IMPG2: variants seen among roughly 807,000 people sequenced by gnomAD.
IMPG2 encodes IPM 200.
IMPG2 carries 91 observed loss-of-function variants against 129.2 expected under a neutral mutation model. The observed-to-expected ratio is 0.70, with a 90% CI of 0.59 to 0.84. The LOEUF (loss-of-function observed/expected upper bound fraction) is 0.84, where lower values mean the gene tolerates loss of function less well. Among genes scored for constraint, IMPG2 ranks in the 40% least tolerant of loss-of-function variants. IMPG2 has a pLI of 0.00. For missense variants in IMPG2, 1,430 were observed against 1,461.7 expected, an observed-to-expected ratio of 0.98 and a Z score of 0.35; for synonymous variants, 510 against 517.7, an observed-to-expected ratio of 0.99 and a Z score of 0.20.
At chr3:101,250,557 A>C (rs1226571788) in intron 11 of IMPG2, among the ~76,000 whole-genome samples, 1 of 152,190 alleles carries the variant, frequency 6.6e-6, no homozygotes, top group Non-Finnish European at 1.5e-5. Context: ...AGGACACACA[A>C]AAAAAGAGAA....
At chr3:101,241,901 T>G (rs922535694) in intron 14 of IMPG2, among the ~76,000 whole-genome samples, 44 of 151,942 alleles carry the variant, frequency 2.9e-4, no homozygotes, top group African/African-American at 1.0e-3. Flanking sequence ...TGGTGGCAGG[T>G]GCCTATAATC....
chr3:101,242,006 G>A (rs1706413610), intron 14 of IMPG2, among the ~76,000 whole-genome samples: 1 of 151,752 alleles, frequency 6.6e-6, no homozygotes, highest in East Asian at 1.9e-4. Context: ...TCCAGCCTGG[G>A]CAACAAGAGT....
intron 11 of IMPG2, 143 bp downstream of exon 11, chr3:101,253,553 T>A: frequency 1.4e-6 from 1 of 692,954 alleles, no homozygotes; most frequent in Admixed American, 2.2e-5. Context: ...AGCTGACAGC[T>A]ATGAGTAATG....
intron 17 of IMPG2, 86 bp downstream of exon 17, chr3:101,229,294 A>C: frequency 4.8e-6 from 5 of 1,044,040 alleles, no homozygotes; most frequent in East Asian, 2.5e-5. Flanking sequence ...ACATACACTC[A>C]TACACACCCC....
At chr3:101,261,246 A>C (rs1425470458) in intron 9 of IMPG2, among the ~76,000 whole-genome samples, 1 of 152,118 alleles carries the variant, frequency 6.6e-6, no homozygotes, top group East Asian at 1.9e-4. Context: ...TCTAGTGTAA[A>C]CATGACTCTA....
intron 11 of IMPG2, among the ~76,000 whole-genome samples, chr3:101,252,483 A>G (rs1037344560): frequency 3.3e-5 from 5 of 152,166 alleles, no homozygotes; most frequent in Non-Finnish European, 7.4e-5. Flanking sequence ...CAATATCTGC[A>G]TCACCTTGTT....
chr3:101,229,320 G>GCAAC, intron 17 of IMPG2, 60 bp downstream of exon 17: 2 of 519,344 alleles, frequency 3.9e-6, no homozygotes, highest in African/African-American at 3.4e-5. Context: ...ACCACCCCCT[G>GCAAC]CTCCCCCACA....
intron 3 of IMPG2, among the ~76,000 whole-genome samples, chr3:101,295,866 T>C (rs1707074138): frequency 6.6e-6 from 1 of 152,224 alleles, no homozygotes; most frequent in South Asian, 2.1e-4. Flanking sequence ...TCTCCACTTG[T>C]CTATAATTGG....
At chr3:101,252,727 T>A (rs1399334850) in intron 11 of IMPG2, among the ~76,000 whole-genome samples, 1 of 152,186 alleles carries the variant, frequency 6.6e-6, no homozygotes. Context: ...TAATTCTACA[T>A]TGTAATATTG....
At position 101,250,980 on chromosome 3, in the gene IMPG2, A is replaced by AC. The variant is rs1234073279; in HGVS notation, c.1239+2715dup. 2.0e-5 allele frequency among the ~76,000 whole-genome samples: 3 copies of AC among 152,218 alleles called. No homozygotes were observed. The East Asian group carries it at 5.8e-4, about 29-fold the overall frequency. On this transcript the variant is annotated intron_variant, in intron 11 of 18. Coordinates refer to ENST00000193391, the MANE Select transcript of IMPG2 (RefSeq NM_016247.4). ...AAGTAGTTACAATGATGATGATCAT[A>AC]CCATAAGAGGGAATTAACTTTTTTC...
intron 3 of IMPG2, among the ~76,000 whole-genome samples, chr3:101,302,927 TCCC>T (rs897820564): frequency 1.3e-5 from 2 of 152,002 alleles, no homozygotes; most frequent in Non-Finnish European, 2.9e-5. Flanking sequence ...CTCCCCAACG[TCCC>T]CCATTTAATA....
At chr3:101,247,520 C>A (rs1425868863) in intron 11 of IMPG2, among the ~76,000 whole-genome samples, 1 of 152,186 alleles carries the variant, frequency 6.6e-6, no homozygotes, top group Admixed American at 6.5e-5. Context: ...TCACTTGAAC[C>A]CGGGCGGCGG....
Position 101,246,003 on chromosome 3 carries a change from C to G in IMPG2, c.1342G>C (p.Glu448Gln). 6.2e-7 allele frequency: 1 copy of G among 1,614,132 alleles called. No homozygotes were observed. The highest frequency in any genetic ancestry group is 8.5e-7 in the Non-Finnish European group (1 of 1,180,010). Reference sequence around the variant, plus strand: ...CCCAAAGGACTTTCTGACCAGAGTTCCCTGCCAGTGGCTGAGGGAGGACCA... The same window carrying G: ...CCCAAAGGACTTTCTGACCAGAGTTGCCTGCCAGTGGCTGAGGGAGGACCA... Reference protein sequence around the residue: ...SSGPPSATGRELWSESPLGDL... With the variant: ...SSGPPSATGRQLWSESPLGDL... Residue 448 changes from glutamate (E) to glutamine (Q), a missense_variant, in exon 12 of 19, where the codon GAA becomes CAA. Coordinates refer to ENST00000193391, the MANE Select transcript of IMPG2 (RefSeq NM_016247.4).
At chr3:101,295,626 T>C (rs1307289425) in intron 3 of IMPG2, among the ~76,000 whole-genome samples, 1 of 152,178 alleles carries the variant, frequency 6.6e-6, no homozygotes, top group Non-Finnish European at 1.5e-5. Context: ...GGGAAGAGCA[T>C]TGAGTCTATA....
intron 3 of IMPG2, among the ~76,000 whole-genome samples, chr3:101,302,063 C>T (rs1707144759): frequency 6.6e-6 from 1 of 152,178 alleles, no homozygotes; most frequent in Non-Finnish European, 1.5e-5. Flanking sequence ...ACACTTGGCT[C>T]GTGCTGTCCT....
intron 11 of IMPG2, among the ~76,000 whole-genome samples, chr3:101,247,140 C>T (rs1370358278): frequency 6.6e-6 from 1 of 151,404 alleles, no homozygotes; most frequent in Non-Finnish European, 1.5e-5. Context: ...AGAGGTAAAA[C>T]GACCATGGTA....
intron 2 of IMPG2, among the ~76,000 whole-genome samples, chr3:101,314,197 C>G (rs1326538820): frequency 6.6e-6 from 1 of 151,982 alleles, no homozygotes; most frequent in Admixed American, 6.6e-5. Flanking sequence ...GGTGAGGAAA[C>G]TAAGATTTTA....
chr3:101,297,018 T>C (rs1436651694), intron 3 of IMPG2, among the ~76,000 whole-genome samples: 1 of 152,186 alleles, frequency 6.6e-6, no homozygotes, highest in African/African-American at 2.4e-5. Flanking sequence ...CTCTCCTGCC[T>C]CAGCCTCCCG....
intron 2 of IMPG2, among the ~76,000 whole-genome samples, chr3:101,314,968 A>T (rs931360641): frequency 1.3e-5 from 2 of 152,104 alleles, no homozygotes; most frequent in Non-Finnish European, 2.9e-5. Context: ...GACAGTCAAA[A>T]TGCAGGCTCA....
Sources: gnomAD v4.1 joint callset for allele counts (sites outside exome capture counted in the v4.1 genomes callset) on GRCh38, gnomAD v4.1.1 for gene constraint, MANE v1.5 for transcripts, NCBI Gene and HGNC (gene_info 2026-07-23, HGNC 2026-07-21) for gene names.